The following CDC14B variants were observed in gnomAD, a reference collection of about 807,000 sequenced individuals.
The protein encoded by CDC14B is cell division cycle 14B, also known as dual specificity protein phosphatase CDC14B.
In CDC14B, 22 loss-of-function variants were observed where a neutral mutation model predicts 64.2. The ratio of observed to expected loss-of-function variants is 0.34; its 90% CI spans 0.24 to 0.49. The LOEUF is 0.49. Among genes scored for constraint, CDC14B ranks in the 20% least tolerant of loss-of-function variants. The pLI, the probability that CDC14B is intolerant of heterozygous loss-of-function variation, is 0.99. For missense variants in CDC14B, 498 were observed against 629.9 expected (o/e 0.79, Z 2.24); for synonymous variants, 191 against 215.8 (o/e 0.89, Z 1.01).
exon 14 of CDC14B, chr9:96,492,909 G>A (rs16910934): frequency 2.0e-5 from 3 of 152,250 alleles, no homozygotes; most frequent in African/African-American, 7.2e-5. Flanking sequence ...AGAGTTGGAT[G>A]CTTTGAACAA....
At chr9:96,615,588 T>C (rs1401175074) in intron 1 of CDC14B, among the ~76,000 whole-genome samples, 2 of 152,228 alleles carry the variant, frequency 1.3e-5, no homozygotes, top group African/African-American at 4.8e-5. Flanking sequence ...TGAAAGAATC[T>C]TGTCAATCCA....
chr9:96,566,853 G>T, intron 1 of CDC14B: 1 of 1,589,422 alleles, frequency 6.3e-7, no homozygotes, highest in Non-Finnish European at 8.6e-7. Flanking sequence ...CAGAGGCAAG[G>T]ACTGCCAGCC....
Position 96,500,935 on chromosome 9 carries a change from C to T in CDC14B, c.*2818G>A, listed in dbSNP as rs1220896746. On this transcript the variant is annotated 3_prime_UTR_variant, in exon 14 of 14. Coordinates refer to ENST00000375241, the MANE Select transcript of CDC14B (RefSeq NM_033331.4). ...ACAATGCTTGGGAACTCCTCTAAAA[C>T]TTGCCTAGGCCCAAGAAAACAGAGA... The T allele has an allele frequency of 6.7e-6, 1 of 150,176 alleles. No homozygotes were observed. Among genetic ancestry groups the T allele is most frequent in the Admixed American group, 6.6e-5 (1 of 15,128 alleles). The allele number at this position is 150,176 out of a possible 1,614,324, so 9.3% of individuals were successfully genotyped here. A position where few individuals can be genotyped will look rare whatever the true frequency, so the allele number is the denominator to read the frequency against.
intron 1 of CDC14B, chr9:96,618,531 C>T (rs754116681): frequency 1.9e-6 from 1 of 533,522 alleles, no homozygotes. Flanking sequence ...AAAGTGACAA[C>T]CCGGACATTC....
At position 96,515,015 on chromosome 9, in the gene CDC14B, C is replaced by T; in HGVS notation, c.1344-5226G>A. Reference sequence around the variant, plus strand: ...AAATGCACCAATTTAAACAGGCGACCTCAGCTCCGACCTCCTACTTTCATT... The same window carrying T: ...AAATGCACCAATTTAAACAGGCGACTTCAGCTCCGACCTCCTACTTTCATT... On this transcript the variant is annotated intron_variant, in intron 12 of 13. Transcript: ENST00000375241. This position sits in a 1 kb window ranked among gnomAD's most constrained non-coding sequence, Gnocchi z 4.3. 1 of 693,160 alleles carries T rather than the reference C, an allele frequency of 1.4e-6. No individual in the cohort carries two copies. The highest frequency in any genetic ancestry group is 1.8e-6 in the Non-Finnish European group (1 of 563,290). The allele number at this position is 693,160 out of a possible 1,614,324, so 42.9% of individuals were successfully genotyped here.
At chr9:96,542,493 T>A (rs1221403718) in intron 5 of CDC14B, among the ~76,000 whole-genome samples, 1 of 147,184 alleles carries the variant, frequency 6.8e-6, no homozygotes, top group Non-Finnish European at 1.5e-5. Context: ...AACTTCTGGG[T>A]TTTTTTTTTA....
At chr9:96,498,590 A>G (rs961097758), downstream of CDC14B, among the ~76,000 whole-genome samples, 2 of 152,240 alleles carry the variant, frequency 1.3e-5, no homozygotes, top group African/African-American at 4.8e-5. Context: ...TTACCTGTGC[A>G]TAAAATTATG....
chr9:96,507,182 T>C (rs1834246690), intron 13 of CDC14B, among the ~76,000 whole-genome samples: 1 of 151,922 alleles, frequency 6.6e-6, no homozygotes, highest in Admixed American at 6.6e-5. Context: ...CCACAAGTAG[T>C]AATCCCAGCT....
intron 13 of CDC14B, among the ~76,000 whole-genome samples, chr9:96,494,866 GCT>G (rs1833184616): frequency 7.0e-6 from 1 of 143,616 alleles, no homozygotes; most frequent in Non-Finnish European, 1.5e-5. Context: ...TCGGAGTCTC[GCT>G]CTGTCGCCCA....
chr9:96,539,921 C>G (rs1349528441), intron 6 of CDC14B, among the ~76,000 whole-genome samples: 2 of 152,274 alleles, frequency 1.3e-5, no homozygotes, highest in Admixed American at 6.5e-5. Context: ...TGCTGATCCA[C>G]AAGGTATTCT....
chr9:96,575,389 T>C (rs1002825772), intron 1 of CDC14B, among the ~76,000 whole-genome samples: 2 of 152,220 alleles, frequency 1.3e-5, no homozygotes, highest in African/African-American at 4.8e-5. Flanking sequence ...AGTAATCTTA[T>C]CTACAGAAGC....
rs544076549 is a variant in CDC14B at position 96,519,534 on chromosome 9, G to A, written c.1343+2972C>T. Reference sequence around the variant, plus strand: ...GTGTACCACTTGAGGTCAGGATTTCGAGACCAGCCTGGCCAACATGGTGAA... The same window carrying A: ...GTGTACCACTTGAGGTCAGGATTTCAAGACCAGCCTGGCCAACATGGTGAA... On this transcript the variant is annotated intron_variant, in intron 12 of 13. Coordinates refer to ENST00000375241, the MANE Select transcript of CDC14B (RefSeq NM_033331.4). Among the ~76,000 whole-genome samples the A allele has an allele frequency of 3.6e-4, 55 of 151,926 alleles. No homozygotes were observed. The South Asian group carries it at 0.011, about 31-fold the overall frequency.
At chr9:96,596,769 G>A (rs1385861767) in intron 1 of CDC14B, among the ~76,000 whole-genome samples, 14 of 151,774 alleles carry the variant, frequency 9.2e-5, no homozygotes, top group Admixed American at 7.9e-4. Flanking sequence ...TGAGGTGGGC[G>A]GATCACTTGA....
chr9:96,567,021 C>T, intron 1 of CDC14B: 2 of 1,371,650 alleles, frequency 1.5e-6, no homozygotes, highest in Non-Finnish European at 1.9e-6. Context: ...AAAAGCCCCG[C>T]GCGCGACGAG....
rs367841448 is a variant in CDC14B at position 96,605,933 on chromosome 9, A to G, written c.160+13286T>C. On this transcript the variant is annotated intron_variant, in intron 1 of 13. Coordinates refer to ENST00000375241, the MANE Select transcript of CDC14B (RefSeq NM_033331.4). ...GCACTGCATGATGGTGTTATGTTCA[A>G]TGGGATGTGTAACAGGTACACAAAA... 1.1e-4 allele frequency among the ~76,000 whole-genome samples: 16 copies of G among 152,290 alleles called. No individual in the cohort carries two copies. The South Asian group carries it at 3.3e-3, about 32-fold the overall frequency.
At chr9:96,610,954 A>G (rs1847275753) in intron 1 of CDC14B, among the ~76,000 whole-genome samples, 1 of 152,192 alleles carries the variant, frequency 6.6e-6, no homozygotes, top group Non-Finnish European at 1.5e-5. Flanking sequence ...TAAGATTAAG[A>G]CCAGCAAACA....
chr9:96,562,496 G>A (rs775832999), intron 4 of CDC14B, 197 bp downstream of exon 4: 10 of 511,912 alleles, frequency 2.0e-5, no homozygotes, highest in Non-Finnish European at 3.6e-5. Flanking sequence ...TTAAGTGGAA[G>A]GTACAGGAGA....
chr9:96,566,042 T>C (rs1843863077), intron 1 of CDC14B, among the ~76,000 whole-genome samples: 1 of 147,264 alleles, frequency 6.8e-6, no homozygotes, highest in Non-Finnish European at 1.5e-5. Flanking sequence ...TTTTTACAAT[T>C]AGACAAATTA....
chr9:96,539,244 T>C lies in CDC14B; in HGVS notation c.565-104A>G, dbSNP rs1057409705. 50 of 762,998 alleles carry C rather than the reference T, an allele frequency of 6.6e-5. No individual in the cohort carries two copies. The African/African-American group carries it at 8.4e-4, about 13-fold the overall frequency. 47.3% of individuals were successfully genotyped at this position (762,998 alleles called of 1,614,324 possible). On this transcript the variant is annotated intron_variant, in intron 6 of 13. Coordinates refer to ENST00000375241, the MANE Select transcript of CDC14B (RefSeq NM_033331.4). ...TATCAGGGGCCCCCCAAGAAAGTAT[T>C]GTCATGATCAGATTACTTTCCACTG...
Sources: allele counts gnomAD v4.1 joint callset (sites outside exome capture counted in the v4.1 genomes callset), GRCh38; gene constraint gnomAD v4.1.1; non-coding constraint Gnocchi (gnomAD v3.1); transcripts MANE v1.5; gene names NCBI Gene and HGNC (gene_info 2026-07-23, HGNC 2026-07-21).